ZDHHC15: variants seen among roughly 807,000 people sequenced by gnomAD.
ZDHHC15 encodes palmitoyltransferase ZDHHC15.
A neutral mutation model predicts 31.7 loss-of-function variants in ZDHHC15; 19 were observed. That is an observed-to-expected ratio of 0.60 (90% CI 0.42 to 0.88). The LOEUF (loss-of-function observed/expected upper bound fraction) is 0.88. Among genes scored for constraint, ZDHHC15 ranks in the 40% least tolerant of loss-of-function variants. The pLI, the probability that ZDHHC15 is intolerant of heterozygous loss-of-function variation, is 0.00. For missense variants in ZDHHC15, 209 were observed against 251.2 expected (o/e 0.83, Z 1.14); for synonymous variants, 103 against 90.0 (o/e 1.14, Z -0.82).
chrX:75,393,747 T>C (rs1174802329), intron 10 of ZDHHC15, among the ~76,000 whole-genome samples: 1 of 111,624 alleles, frequency 9.0e-6, no homozygotes, highest in East Asian at 2.8e-4. Context: ...CAGCGTTCTC[T>C]AGAGAAACAG....
At chrX:75,431,282 A>G (rs2083776856) in intron 5 of ZDHHC15, among the ~76,000 whole-genome samples, 169 bp downstream of exon 5, 1 of 111,835 alleles carries the variant, frequency 8.9e-6, no homozygotes, top group African/African-American at 3.2e-5. Context: ...TTATCTTTAG[A>G]GTAGCTTGGA....
intron 1 of ZDHHC15, among the ~76,000 whole-genome samples, chrX:75,515,211 C>T (rs2085337567): frequency 1.8e-5 from 2 of 111,339 alleles, no homozygotes; most frequent in South Asian, 7.7e-4. Context: ...GGGAATCCTC[C>T]CTAACTCATT....
Position 75,425,866 on chromosome X carries a change from A to C in ZDHHC15, c.604-1082T>G, listed in dbSNP as rs150785274. On this transcript the variant is annotated intron_variant, in intron 7 of 11. Transcript: ENST00000373367. ...TATTTTTATTCATTTTTATGTATGG[A>C]AATATTGGGAATCTTCCAGGTTGTA... Among the ~76,000 whole-genome samples, 344 of 110,748 alleles carry C rather than the reference A, an allele frequency of 3.1e-3. 2 individuals are homozygous for C. Among genetic ancestry groups the C allele is most frequent in the African/African-American group, 0.011 (329 of 30,466 alleles).
intron 1 of ZDHHC15, among the ~76,000 whole-genome samples, chrX:75,514,465 C>A (rs1162086250): frequency 8.9e-6 from 1 of 111,778 alleles, no homozygotes; most frequent in Non-Finnish European, 1.9e-5. Context: ...CTACAGCTCC[C>A]AGCGTGAGCA....
rs776980362 is a variant in ZDHHC15 at position 75,431,526 on chromosome X, A to T, written c.380-6T>A. ...CCGGTCACAGAATCGTACAGCTATA[A>T]AAAAAAAAATAAGGTGGTTAGCACT... On this transcript the variant is annotated splice_region_variant and splice_polypyrimidine_tract_variant and intron_variant, in intron 4 of 11. Transcript: ENST00000373367. The T allele has an allele frequency of 2.4e-4, 288 of 1,180,691 alleles. 4 individuals carry two copies. In the South Asian group the frequency reaches 4.9e-3, roughly 20 times the overall value.
rs151218671 is a variant in ZDHHC15 at position 75,438,622 on chromosome X, A to G, written c.380-7102T>C. The stretch of plus-strand genomic sequence containing the variant: ...ACTTTTATTCATTCTGCCATTCTGT[A>G]TCTTTTAAGTGGAGGATTTAGGCCG... On this transcript the variant is annotated intron_variant, in intron 4 of 11. Transcript: ENST00000373367. 8.0e-3 allele frequency among the ~76,000 whole-genome samples: 895 copies of G among 111,672 alleles called. 11 individuals carry two copies. The highest frequency in any genetic ancestry group is 0.027 in the African/African-American group (822 of 30,756).
At chrX:75,509,698 T>C (rs1054439466) in intron 1 of ZDHHC15, among the ~76,000 whole-genome samples, 6 of 112,753 alleles carry the variant, frequency 5.3e-5, no homozygotes, top group African/African-American at 1.9e-4. Flanking sequence ...TGTAAAACGA[T>C]AAAATTGGTT....
At chrX:75,497,900 C>T (rs1407826043) in intron 2 of ZDHHC15, among the ~76,000 whole-genome samples, 2 of 106,950 alleles carry the variant, frequency 1.9e-5, no homozygotes, top group African/African-American at 6.7e-5. Context: ...GAAAGCATTC[C>T]TCCTGAGAAC....
intron 1 of ZDHHC15, among the ~76,000 whole-genome samples, chrX:75,519,840 G>A (rs2085418792): frequency 8.9e-6 from 1 of 111,863 alleles, no homozygotes; most frequent in African/African-American, 3.3e-5. Flanking sequence ...ACTGATGATG[G>A]CAGGAGGGAC....
chrX:75,404,296 T>C (rs2083387740), intron 10 of ZDHHC15, among the ~76,000 whole-genome samples: 1 of 111,805 alleles, frequency 8.9e-6, no homozygotes, highest in South Asian at 3.7e-4. Flanking sequence ...CTAAGCAGTA[T>C]TATCCTGGAC....
At chrX:75,521,703 T>C (rs1424614670) in intron 1 of ZDHHC15, among the ~76,000 whole-genome samples, 1 of 108,470 alleles carries the variant, frequency 9.2e-6, no homozygotes, top group East Asian at 2.9e-4. Flanking sequence ...TTGGGAGGAG[T>C]AGAAAATATT....
At chrX:75,399,288 G>A (rs2083331144) in intron 10 of ZDHHC15, among the ~76,000 whole-genome samples, 1 of 111,524 alleles carries the variant, frequency 9.0e-6, no homozygotes, top group African/African-American at 3.3e-5. Flanking sequence ...TGAAAGCAAA[G>A]CCTCTTAGCC....
At chrX:75,501,833 T>C (rs1172277162) in intron 2 of ZDHHC15, 1 of 111,590 alleles carries the variant, frequency 9.0e-6, no homozygotes, top group Non-Finnish European at 1.9e-5. Context: ...TTATAGCTGC[T>C]GGATATTAGA....
chrX:75,459,003 AAAAAAAAAC>A (rs1201544723), intron 3 of ZDHHC15, among the ~76,000 whole-genome samples: 2 of 96,011 alleles, frequency 2.1e-5, no homozygotes. Flanking sequence ...AAAAAAAAAA[AAAAAAAAAC>A]AACCCCCAGC....
intron 3 of ZDHHC15, among the ~76,000 whole-genome samples, chrX:75,474,498 AC>A (rs1393797401): frequency 3.6e-5 from 1 of 28,146 alleles, no homozygotes; most frequent in African/African-American, 7.6e-5. Context: ...TTATACTTAC[AC>A]TTTTATATAC....
At chrX:75,499,883 G>A (rs1429055074) in intron 2 of ZDHHC15, among the ~76,000 whole-genome samples, 1 of 111,665 alleles carries the variant, frequency 9.0e-6, no homozygotes, top group Non-Finnish European at 1.9e-5. Context: ...TATGAAACCA[G>A]CCCAAATGCT....
chrX:75,396,266 C>A (rs1453584682), intron 10 of ZDHHC15, among the ~76,000 whole-genome samples: 3 of 111,667 alleles, frequency 2.7e-5, no homozygotes, highest in African/African-American at 9.8e-5. Flanking sequence ...GATTAATAAC[C>A]AGAATACATA....
Position 75,426,101 on chromosome X carries a change from A to G in ZDHHC15, c.604-1317T>C, listed in dbSNP as rs769614411. ...TTCTCGGCCTAAGCAGGCAAATTGA[A>G]TTAGATTGGTTTTTGTTTTATTTTG... is the stretch of plus-strand genomic sequence containing the variant. On this transcript the variant is annotated intron_variant, in intron 7 of 11. Coordinates refer to ENST00000373367, the MANE Select transcript of ZDHHC15 (RefSeq NM_144969.3). Among the ~76,000 whole-genome samples the G allele has an allele frequency of 1.3e-4, 15 of 112,360 alleles. No homozygotes were observed. The South Asian group carries it at 5.5e-3, about 41-fold the overall frequency.
intron 1 of ZDHHC15, among the ~76,000 whole-genome samples, chrX:75,513,168 C>T (rs928957646): frequency 9.9e-5 from 11 of 111,317 alleles, no homozygotes; most frequent in African/African-American, 3.3e-4. Flanking sequence ...AACGTTAGAC[C>T]TAAAACCATA....
Sources: allele counts gnomAD v4.1 joint callset (sites outside exome capture counted in the v4.1 genomes callset), GRCh38; gene constraint gnomAD v4.1.1; transcripts MANE v1.5; gene names NCBI Gene and HGNC (gene_info 2026-07-23, HGNC 2026-07-21).